EEA1: variants seen among roughly 807,000 people sequenced by gnomAD.
EEA1 encodes the protein early endosome antigen 1, 162kD.
A neutral mutation model predicts 209.2 loss-of-function variants in EEA1; 111 were observed. That is an observed-to-expected ratio of 0.53 (90% CI 0.45 to 0.62). EEA1 has a LOEUF of 0.62. Among genes scored for constraint, EEA1 ranks in the 20% least tolerant of loss-of-function variants. The pLI, the probability that EEA1 is intolerant of heterozygous loss-of-function variation, is 0.00. For missense variants in EEA1, 1,343 were observed against 1,530.8 expected (o/e 0.88, Z 2.05); for synonymous variants, 536 against 540.6 (o/e 0.99, Z 0.12).
In EEA1 at chr12:92,832,587, C is replaced by T. The variant is rs149774694; in HGVS notation, c.1179G>A (p.Ala393=). The part of the protein sequence containing the change: ...EVETKYQHLK[A]EFKQLQQQRE... ...TCTGTTGTTGTAGCTGCTTAAACTC[C>T]GCCTTTAGATGCTGGTACTTGGTCT... The change falls in exon 11 of 29, where the codon GCG becomes GCA. Residue 393 remains alanine, a synonymous_variant. Transcript: ENST00000322349. The T allele has an allele frequency of 5.7e-5, 92 of 1,613,916 alleles. No homozygotes were observed. Among genetic ancestry groups the T allele is most frequent in the Non-Finnish European group, 7.3e-5 (86 of 1,179,994 alleles).
At chr12:92,889,789 C>T (rs904257300) in intron 2 of EEA1, among the ~76,000 whole-genome samples, 4 of 152,104 alleles carry the variant, frequency 2.6e-5, no homozygotes, top group Non-Finnish European at 5.9e-5. Context: ...TAGCATGCAC[C>T]TGTAATCCCA....
intron 3 of EEA1, chr12:92,858,577 G>T: frequency 2.7e-6 from 2 of 749,240 alleles, no homozygotes; most frequent in South Asian, 2.8e-5. Context: ...AGCCAAACTG[G>T]CAGAACTACG....
chr12:92,891,702 G>A lies in EEA1; in HGVS notation c.44C>T (p.Ser15Phe), dbSNP rs201728626. 29 of 1,609,856 alleles carry A rather than the reference G, an allele frequency of 1.8e-5. No individual in the cohort carries two copies. The highest frequency in any genetic ancestry group is 1.1e-5 in the Non-Finnish European group (13 of 1,178,946). Residue 15 changes from serine (S) to phenylalanine (F), a missense_variant, in exon 2 of 29, where the codon TCT becomes TTT. This residue lies in a region of EEA1 where 1,307 missense variants were observed against 1,465.5 expected (regional missense o/e 0.89). Transcript: ENST00000322349. ...ILQRTPGRVGSQGSDLDSSAT... is the reference protein window; with the variant it reads ...ILQRTPGRVGFQGSDLDSSAT... The stretch of plus-strand genomic sequence containing the variant: ...TGATGAATCTAAATCAGAACCTTGA[G>A]AGCCAACTCTCCCAGGAGTCTGGAA...
chr12:92,902,599 G>C (rs368237091), intron 1 of EEA1, among the ~76,000 whole-genome samples: 1 of 152,010 alleles, frequency 6.6e-6, no homozygotes, highest in East Asian at 1.9e-4. Flanking sequence ...AAATTAGCTG[G>C]GTGTGGTGGC....
intron 1 of EEA1, among the ~76,000 whole-genome samples, chr12:92,907,408 T>C (rs952463142): frequency 3.3e-5 from 5 of 152,232 alleles, no homozygotes; most frequent in Admixed American, 2.0e-4. Context: ...TCTCAGATTA[T>C]AGAACCATCA....
intron 24 of EEA1, among the ~76,000 whole-genome samples, chr12:92,779,872 TA>T (rs1397670889): frequency 6.7e-6 from 1 of 149,654 alleles, no homozygotes; most frequent in African/African-American, 2.5e-5. Context: ...TTATAACAGG[TA>T]AAATGTTAAA....
intron 22 of EEA1, among the ~76,000 whole-genome samples, chr12:92,782,377 T>C (rs1276470710): frequency 6.6e-6 from 1 of 152,186 alleles, no homozygotes; most frequent in East Asian, 1.9e-4. Flanking sequence ...AAAAATAATC[T>C]ATTTACTAAA....
chr12:92,827,891 A>G, intron 12 of EEA1, 21 bp downstream of exon 12: 1 of 1,523,664 alleles, frequency 6.6e-7, no homozygotes, highest in African/African-American at 1.4e-5. Flanking sequence ...GCCTATCAAT[A>G]AATTGAAAAT....
intron 18 of EEA1, among the ~76,000 whole-genome samples, chr12:92,804,571 CAAAA>C (rs1195692496): frequency 2.1e-5 from 1 of 47,740 alleles, no homozygotes; most frequent in Non-Finnish European, 4.8e-5. Context: ...GACTCTGTCT[CAAAA>C]AAAAAAAAAA....
chr12:92,865,731 T>C (rs1167189737), intron 2 of EEA1, among the ~76,000 whole-genome samples: 1 of 149,284 alleles, frequency 6.7e-6, no homozygotes, highest in African/African-American at 2.5e-5. Context: ...TTTATTTTAT[T>C]TTATTTTATT....
In EEA1 at chr12:92,852,213, T is replaced by G; in HGVS notation, c.604A>C (p.Lys202Gln). ...KVTRLTEELN[K>Q]EATVIQDLKT... is the part of the protein sequence containing the mutation. ...AGATCTTGAATTACAGTTGCCTCTT[T>G]GTTTAATTCTTCTGTCAGACGTGTC... is the stretch of plus-strand genomic sequence containing the variant. The change falls in exon 8 of 29, where the codon AAA becomes CAA. Residue 202 changes from lysine to glutamine, a missense_variant. This residue lies in a region of EEA1 where 1,307 missense variants were observed against 1,465.5 expected (regional missense o/e 0.89). Transcript: ENST00000322349. 1 of 1,593,348 alleles carries G rather than the reference T, an allele frequency of 6.3e-7. No individual in the cohort carries two copies. Among genetic ancestry groups the G allele is most frequent in the South Asian group, 1.1e-5 (1 of 87,008 alleles).
intron 18 of EEA1, among the ~76,000 whole-genome samples, chr12:92,804,458 G>C (rs1160401180): frequency 6.6e-6 from 1 of 151,346 alleles, no homozygotes; most frequent in Non-Finnish European, 1.5e-5. Context: ...TGTAATCCCA[G>C]CTACTCGTGA....
intron 5 of EEA1, among the ~76,000 whole-genome samples, chr12:92,856,388 C>T (rs1877879185): frequency 6.6e-6 from 1 of 152,134 alleles, no homozygotes; most frequent in African/African-American, 2.4e-5. Flanking sequence ...AAGAGAACCA[C>T]TTTTGATACT....
At position 92,774,416 on chromosome 12, in the gene EEA1, T is replaced by C. The variant is rs1243380683; in HGVS notation, c.*1595A>G. 1 of 151,596 alleles carries C rather than the reference T, an allele frequency of 6.6e-6. No individual in the cohort carries two copies. The highest frequency in any genetic ancestry group is 1.5e-5 in the Non-Finnish European group (1 of 67,590). 9.4% of individuals were successfully genotyped at this position (151,596 alleles called of 1,614,324 possible). ...GCATGAATATAATTTCATTTCAGAA[T>C]ATTTGAAAGCAAATGTATATTAAGA... On this transcript the variant is annotated 3_prime_UTR_variant, in exon 29 of 29. Coordinates refer to ENST00000322349, the MANE Select transcript of EEA1 (RefSeq NM_003566.4).
chr12:92,905,716 T>A (rs1233138219), intron 1 of EEA1: 1 of 152,082 alleles, frequency 6.6e-6, no homozygotes, highest in Non-Finnish European at 1.5e-5. Flanking sequence ...TGCAAAAAAC[T>A]ATCAAAGAAG....
chr12:92,799,027 C>A lies in EEA1; in HGVS notation c.2832G>T (p.Gln944His), dbSNP rs1231474205. 6.2e-7 allele frequency: 1 copy of A among 1,612,538 alleles called. No homozygotes were observed. Among genetic ancestry groups the A allele is most frequent in the African/African-American group, 1.3e-5 (1 of 74,920 alleles). ...NSMQEQLIQA[Q>H]NTLKQNEKEE... ...CTTTTTCATTTTGTTTTAAAGTATTCTGGGCCTGTATAAGTTGTTCCTGCA... is the reference window on the plus strand; with the variant it reads ...CTTTTTCATTTTGTTTTAAAGTATTATGGGCCTGTATAAGTTGTTCCTGCA... The change falls in exon 21 of 29, where the codon CAG (glutamine) becomes CAT (histidine). Residue 944 changes from glutamine (Q) to histidine (H), a missense_variant. This residue lies in a region of EEA1 where 1,307 missense variants were observed against 1,465.5 expected (regional missense o/e 0.89). Coordinates refer to ENST00000322349, the MANE Select transcript of EEA1 (RefSeq NM_003566.4).
intron 9 of EEA1, among the ~76,000 whole-genome samples, chr12:92,843,738 T>C (rs757817825): frequency 3.9e-5 from 6 of 152,150 alleles, no homozygotes; most frequent in Non-Finnish European, 8.8e-5. Flanking sequence ...ATTTCCAGTG[T>C]CTATTTCTTT....
At chr12:92,928,266 A>G (rs1276969129) in intron 1 of EEA1, among the ~76,000 whole-genome samples, 3 of 152,252 alleles carry the variant, frequency 2.0e-5, no homozygotes, top group East Asian at 3.9e-4. Flanking sequence ...ATACACCTAC[A>G]GTTTTCTAAT....
At position 92,775,685 on chromosome 12, in the gene EEA1, T is replaced by C. The variant is rs1873627486; in HGVS notation, c.*326A>G. On this transcript the variant is annotated 3_prime_UTR_variant, in exon 29 of 29. Coordinates refer to ENST00000322349, the MANE Select transcript of EEA1 (RefSeq NM_003566.4). The stretch of plus-strand genomic sequence containing the variant: ...GTAAGCTATGGAATTGCATTCTTCA[T>C]TTGTGAATAATGAAATTATATTAAA... 5.4e-6 allele frequency: 1 copy of C among 184,540 alleles called. No homozygotes were observed. Among genetic ancestry groups the C allele is most frequent in the Non-Finnish European group, 1.1e-5 (1 of 89,570 alleles). The allele number at this position is 184,540 out of a possible 1,614,324, so 11.4% of individuals were successfully genotyped here.
Sources: gnomAD v4.1 joint callset for allele counts (sites outside exome capture counted in the v4.1 genomes callset) on GRCh38, gnomAD v4.1.1 for gene constraint, gnomAD v4.1.1 regional missense constraint, MANE v1.5 for transcripts, NCBI Gene and HGNC (gene_info 2026-07-23, HGNC 2026-07-21) for gene names.